Variants in DGKB observed in about 807,000 individuals in gnomAD.
The protein encoded by DGKB is 90 kDa diacylglycerol kinase.
Under a neutral mutation model 114.3 loss-of-function variants are expected in DGKB, and 67 were observed. The observed-to-expected ratio is 0.59, with a 90% CI of 0.48 to 0.72. The LOEUF is 0.72. DGKB is among the 30% of genes least tolerant of loss of function. The probability of loss-of-function intolerance (pLI) is 0.00; values close to 1 mark genes in which losing one functional copy is unlikely to be tolerated. For synonymous variants in DGKB, 398 were observed against 323.1 expected (o/e 1.23, Z -2.49); for missense variants, 907 against 975.2 (o/e 0.93, Z 0.93).
chr7:14,396,903 A>C (rs1583633241), intron 21 of DGKB, among the ~76,000 whole-genome samples: 1 of 152,136 alleles, frequency 6.6e-6, no homozygotes, highest in African/African-American at 2.4e-5. Context: ...AATTCAGAGG[A>C]AGACGAATTT....
At chr7:14,713,296 T>C (rs936161722) in intron 6 of DGKB, among the ~76,000 whole-genome samples, 1 of 152,134 alleles carries the variant, frequency 6.6e-6, no homozygotes, top group Non-Finnish European at 1.5e-5. Context: ...ATGAGCATTA[T>C]ATGATATATG....
At chr7:14,337,279 A>G (rs1454588598) in intron 23 of DGKB, among the ~76,000 whole-genome samples, 1 of 152,018 alleles carries the variant, frequency 6.6e-6, no homozygotes, top group Non-Finnish European at 1.5e-5. Flanking sequence ...TTTTCTATAT[A>G]TTTCTCCTTC....
intron 20 of DGKB, among the ~76,000 whole-genome samples, chr7:14,550,822 T>C (rs1295855943): frequency 6.6e-6 from 1 of 152,244 alleles, no homozygotes; most frequent in African/African-American, 2.4e-5. Flanking sequence ...CTTCTAAAAT[T>C]ATATCACAGT....
intron 21 of DGKB, among the ~76,000 whole-genome samples, chr7:14,393,737 G>C (rs1821793070): frequency 6.6e-6 from 1 of 152,078 alleles, no homozygotes; most frequent in African/African-American, 2.4e-5. Context: ...CTTGGTTAGA[G>C]AACCCTCAAG....
chr7:14,409,320 C>G (rs1824457329), intron 21 of DGKB, among the ~76,000 whole-genome samples: 1 of 152,000 alleles, frequency 6.6e-6, no homozygotes, highest in African/African-American at 2.4e-5. Flanking sequence ...TAGCGCAATA[C>G]CATAAACCTT....
rs1200616148 is a variant in DGKB, at chr7:14,197,386, C to G, written c.2123-19235G>C. Reference sequence around the variant, plus strand: ...TCTATGAAAGAAGACTAAACTTGAACAAACCGTAAAAAAAAAAAGCAAAGT... The same window carrying G: ...TCTATGAAAGAAGACTAAACTTGAAGAAACCGTAAAAAAAAAAAGCAAAGT... On this transcript the variant is annotated intron_variant, in intron 23 of 25. Transcript: ENST00000402815. Among the ~76,000 whole-genome samples the G allele has an allele frequency of 2.0e-5, 3 of 151,240 alleles. 1 individual carries two copies. The highest frequency in any genetic ancestry group is 2.0e-4 in the Admixed American group (3 of 15,184).
intron 12 of DGKB, among the ~76,000 whole-genome samples, chr7:14,677,523 T>C (rs539877555): frequency 6.6e-6 from 1 of 152,128 alleles, no homozygotes; most frequent in African/African-American, 2.4e-5. Context: ...TATCTCTATA[T>C]CATAGCAAAA....
chr7:14,668,442 C>A (rs1018657425), intron 13 of DGKB, among the ~76,000 whole-genome samples: 1 of 152,090 alleles, frequency 6.6e-6, no homozygotes, highest in African/African-American at 2.4e-5. Context: ...GAGTGATAAC[C>A]ACTCGGGCTC....
intron 13 of DGKB, among the ~76,000 whole-genome samples, chr7:14,657,570 T>C (rs1293759868): frequency 6.6e-6 from 1 of 151,858 alleles, no homozygotes; most frequent in South Asian, 2.1e-4. Flanking sequence ...AGGAAATAGA[T>C]GACTTCAGTA....
chr7:14,471,138 T>A (rs541689416), intron 21 of DGKB, among the ~76,000 whole-genome samples: 4 of 148,700 alleles, frequency 2.7e-5, no homozygotes, highest in African/African-American at 9.8e-5. Context: ...TTGATTTTTC[T>A]ATTCTTAGAA....
At chr7:14,718,886 C>T in intron 5 of DGKB, 1 of 490,938 alleles carries the variant, frequency 2.0e-6, no homozygotes, top group South Asian at 3.1e-5. Flanking sequence ...TCTTTGGGAT[C>T]CACAGACATG....
At chr7:14,240,935 G>A (rs143110087) in intron 23 of DGKB, among the ~76,000 whole-genome samples, 1 of 152,124 alleles carries the variant, frequency 6.6e-6, no homozygotes, top group Non-Finnish European at 1.5e-5. Flanking sequence ...TAAGCCTTTA[G>A]ACAGAATCTC....
intron 21 of DGKB, among the ~76,000 whole-genome samples, chr7:14,419,112 T>A (rs1826263864): frequency 6.6e-6 from 1 of 151,926 alleles, no homozygotes; most frequent in South Asian, 2.1e-4. Context: ...ATGTTTGTCC[T>A]ATTAAAAAAA....
intron 20 of DGKB, among the ~76,000 whole-genome samples, chr7:14,534,274 T>A (rs2128601201): frequency 6.6e-6 from 1 of 151,984 alleles, no homozygotes; most frequent in East Asian, 1.9e-4. Flanking sequence ...AGGCTTATGG[T>A]AACTATAAAA....
intron 21 of DGKB, among the ~76,000 whole-genome samples, chr7:14,427,195 T>C (rs973064371): frequency 2.0e-5 from 3 of 152,104 alleles, no homozygotes; most frequent in African/African-American, 7.2e-5. Flanking sequence ...CCATGGCACA[T>C]GTTTACGTAT....
At chr7:14,651,177 A>G (rs865940540) in intron 13 of DGKB, among the ~76,000 whole-genome samples, 3,249 of 152,160 alleles carry the variant, frequency 0.021, 50 homozygotes, top group South Asian at 0.037. Flanking sequence ...TACCAAAGCC[A>G]GGCAGAGACA....
chr7:14,587,200 A>G (rs578023939), intron 17 of DGKB, among the ~76,000 whole-genome samples: 1 of 152,102 alleles, frequency 6.6e-6, no homozygotes, highest in Admixed American at 6.6e-5. Flanking sequence ...GTTTGGAAGA[A>G]GTTGATGCCA....
intron 23 of DGKB, among the ~76,000 whole-genome samples, chr7:14,318,985 T>G (rs1416925327): frequency 6.6e-6 from 1 of 151,998 alleles, no homozygotes; most frequent in Non-Finnish European, 1.5e-5. Context: ...ATGTCCTTTG[T>G]AGGGACTTGG....
chr7:14,627,952 A>AAAC (rs1554555745), intron 14 of DGKB, among the ~76,000 whole-genome samples: 31 of 132,726 alleles, frequency 2.3e-4, no homozygotes, highest in African/African-American at 8.4e-4. Flanking sequence ...CAAAAAAACA[A>AAAC]AAAAAAAAAA....
Sources: allele counts gnomAD v4.1 joint callset (sites outside exome capture counted in the v4.1 genomes callset), GRCh38; gene constraint gnomAD v4.1.1; transcripts MANE v1.5; gene names NCBI Gene and HGNC (gene_info 2026-07-23, HGNC 2026-07-21).